Variants in LRFN5 observed in about 807,000 individuals in gnomAD.
The protein encoded by LRFN5 is leucine rich repeat and fibronectin type III domain containing 5.
Under a neutral mutation model 45.6 loss-of-function variants are expected in LRFN5, and 24 were observed. That is an observed-to-expected ratio of 0.53 (90% CI 0.38 to 0.74). The LOEUF is 0.74. Ranked by LOEUF, LRFN5 falls within the 30% of genes least tolerant of loss-of-function variation. The pLI, the probability that LRFN5 is intolerant of heterozygous loss-of-function variation, is 0.00. For missense variants in LRFN5, 776 were observed against 861.5 expected (o/e 0.90, Z 1.24); for synonymous variants, 340 against 313.8 (o/e 1.08, Z -0.88).
intron 1 of LRFN5, among the ~76,000 whole-genome samples, chr14:41,751,338 A>G (rs576721287): frequency 6.6e-6 from 1 of 152,300 alleles, no homozygotes; most frequent in South Asian, 2.1e-4. Context: ...AGAGCTATAA[A>G]TGGAATTACA....
At chr14:41,657,457 T>C (rs1000397476) in intron 1 of LRFN5, among the ~76,000 whole-genome samples, 3 of 151,866 alleles carry the variant, frequency 2.0e-5, no homozygotes, top group African/African-American at 7.3e-5. Context: ...CTCTGACCCA[T>C]CTCAGAAGGA....
chr14:41,744,751 T>C (rs894381331), intron 1 of LRFN5, among the ~76,000 whole-genome samples: 1 of 152,124 alleles, frequency 6.6e-6, no homozygotes, highest in Admixed American at 6.6e-5. Context: ...GCTATAGTAA[T>C]AGCAGATGAA....
intron 1 of LRFN5, among the ~76,000 whole-genome samples, chr14:41,661,109 CA>C (rs1185577340): frequency 6.6e-6 from 1 of 151,048 alleles, no homozygotes; most frequent in Non-Finnish European, 1.5e-5. Context: ...TTCAACTTAC[CA>C]ACACAAAATA....
intron 1 of LRFN5, among the ~76,000 whole-genome samples, chr14:41,623,504 C>T (rs1353409537): frequency 6.6e-6 from 1 of 152,114 alleles, no homozygotes; most frequent in African/African-American, 2.4e-5. Flanking sequence ...TCCCAAGTGG[C>T]ATGTCAGCAA....
chr14:41,721,815 A>G (rs897851772), intron 1 of LRFN5, among the ~76,000 whole-genome samples: 2 of 152,068 alleles, frequency 1.3e-5, no homozygotes, highest in Non-Finnish European at 2.9e-5. Flanking sequence ...CTTCAGGGTT[A>G]GCCATGGACA....
chr14:41,781,530 AGAAG>A (rs1178900999), intron 2 of LRFN5, among the ~76,000 whole-genome samples: 39 of 146,426 alleles, frequency 2.7e-4, no homozygotes, highest in African/African-American at 7.6e-4. Context: ...GAGGGAGGGA[AGAAG>A]GAAGGAAGGA....
chr14:41,799,658 C>T (rs937389370), intron 2 of LRFN5, among the ~76,000 whole-genome samples: 1 of 151,846 alleles, frequency 6.6e-6, no homozygotes, highest in African/African-American at 2.4e-5. Context: ...GACTGGTTTT[C>T]CTCATCACTG....
intron 2 of LRFN5, among the ~76,000 whole-genome samples, chr14:41,793,929 T>G (rs978949526): frequency 6.6e-6 from 1 of 152,082 alleles, no homozygotes; most frequent in Non-Finnish European, 1.5e-5. Flanking sequence ...GAAAATCTAC[T>G]CTCCTGTCGT....
In LRFN5 at chr14:41,619,053, T is replaced by TACTA. The variant is rs5808146; in HGVS notation, c.-197+10491_-197+10492insACTA. Among the ~76,000 whole-genome samples, 739 of 152,262 alleles carry TACTA rather than the reference T, an allele frequency of 4.9e-3. 6 individuals carry two copies. The highest frequency in any genetic ancestry group is 0.016 in the African/African-American group (667 of 41,550). On this transcript the variant is annotated intron_variant, in intron 1 of 5. Coordinates refer to ENST00000298119, the MANE Select transcript of LRFN5 (RefSeq NM_152447.5). ...GGTTTTCCTCTTGTGCTAGGAGTAA[T>TACTA]TTCACCTAAAACCCAAGGGAAAATT...
At chr14:41,690,322 G>A (rs1882321708) in intron 1 of LRFN5, among the ~76,000 whole-genome samples, 1 of 152,212 alleles carries the variant, frequency 6.6e-6, no homozygotes. Flanking sequence ...GGGACGCCAA[G>A]ATGGGTGGAT....
chr14:41,726,671 A>G (rs17112222), intron 1 of LRFN5, among the ~76,000 whole-genome samples: 6,811 of 152,124 alleles, frequency 0.045, 338 homozygotes, highest in African/African-American at 0.12. Flanking sequence ...ACAGAAATCT[A>G]TCACTCTGAA....
chr14:41,724,576 C>T (rs1883851877), intron 1 of LRFN5, among the ~76,000 whole-genome samples: 1 of 152,080 alleles, frequency 6.6e-6, no homozygotes, highest in African/African-American at 2.4e-5. Flanking sequence ...ATTAAAACTA[C>T]AAGGCCATAT....
At chr14:41,882,922 T>C (rs1392279078) in intron 2 of LRFN5, among the ~76,000 whole-genome samples, 1 of 149,680 alleles carries the variant, frequency 6.7e-6, no homozygotes, top group Non-Finnish European at 1.5e-5. Flanking sequence ...GATCTCTGCT[T>C]ACTGCAATCT....
chr14:41,743,719 G>A (rs912761099), intron 1 of LRFN5, among the ~76,000 whole-genome samples: 5 of 152,134 alleles, frequency 3.3e-5, no homozygotes, highest in Admixed American at 6.6e-5. Flanking sequence ...TGTTAAGGTG[G>A]TGGATATGTT....
chr14:41,620,917 G>A (rs976096714), intron 1 of LRFN5, among the ~76,000 whole-genome samples: 1 of 151,594 alleles, frequency 6.6e-6, no homozygotes, highest in African/African-American at 2.4e-5. Context: ...TATCACTCTT[G>A]GTATAAAGTG....
At chr14:41,796,701 T>G (rs1046442944) in intron 2 of LRFN5, among the ~76,000 whole-genome samples, 6 of 151,886 alleles carry the variant, frequency 4.0e-5, no homozygotes, top group Non-Finnish European at 1.5e-5. Flanking sequence ...ATTATAGAAT[T>G]CCGCATGAAT....
intron 2 of LRFN5, among the ~76,000 whole-genome samples, chr14:41,846,982 T>A (rs999296573): frequency 1.3e-5 from 2 of 152,134 alleles, no homozygotes; most frequent in African/African-American, 4.8e-5. Flanking sequence ...TTCTTTTTGC[T>A]GTGTAAAGTA....
chr14:41,630,109 T>C (rs1888483557), intron 1 of LRFN5, among the ~76,000 whole-genome samples: 1 of 152,136 alleles, frequency 6.6e-6, no homozygotes. Context: ...AATGATGTCA[T>C]AAAACACAGG....
intron 1 of LRFN5, chr14:41,699,554 T>C (rs1490011850): frequency 6.6e-6 from 1 of 152,096 alleles, no homozygotes; most frequent in Non-Finnish European, 1.5e-5. Flanking sequence ...AAAAGATTAA[T>C]AGAACTTACG....
Sources: gnomAD v4.1 joint callset for allele counts (sites outside exome capture counted in the v4.1 genomes callset) on GRCh38, gnomAD v4.1.1 for gene constraint, MANE v1.5 for transcripts, NCBI Gene and HGNC (gene_info 2026-07-23, HGNC 2026-07-21) for gene names.